The following RBFOX2 variants were observed in gnomAD, a reference collection of about 807,000 sequenced individuals.
The protein encoded by RBFOX2 is RNA binding fox-1 homolog 2, also known as RNA binding protein fox-1 homolog 2.
RBFOX2 carries 10 observed loss-of-function variants against 49.1 expected under a neutral mutation model. The ratio of observed to expected loss-of-function variants is 0.20; its 90% confidence interval spans 0.13 to 0.35. RBFOX2 has a LOEUF of 0.35. RBFOX2 is among the 10% of genes least tolerant of loss of function. The probability of loss-of-function intolerance (pLI) is 1.00; values close to 1 mark genes in which losing one functional copy is unlikely to be tolerated. For missense variants in RBFOX2, 323 were observed against 486.9 expected (o/e 0.66, Z 3.17); for synonymous variants, 183 against 187.4 (o/e 0.98, Z 0.19).
intron 2 of RBFOX2, among the ~76,000 whole-genome samples, chr22:35,790,841 C>G (rs919275042): frequency 6.6e-6 from 1 of 152,030 alleles, no homozygotes; most frequent in Non-Finnish European, 1.5e-5. Flanking sequence ...AACCCTATCT[C>G]TACAAAAAAT....
At chr22:35,750,516 A>C in intron 9 of RBFOX2, 1 of 1,325,172 alleles carries the variant, frequency 7.5e-7, no homozygotes, top group Non-Finnish European at 1.1e-6. Context: ...AGCACACCCT[A>C]ATGTAGGAGG....
At chr22:35,858,439 T>A (rs1335500937) in intron 1 of RBFOX2, among the ~76,000 whole-genome samples, 2 of 152,236 alleles carry the variant, frequency 1.3e-5, no homozygotes, top group Non-Finnish European at 2.9e-5. Context: ...TTATATGGCA[T>A]TCTCTATTTG....
chr22:35,840,016 T>G (rs1958445367), intron 1 of RBFOX2, among the ~76,000 whole-genome samples: 2 of 152,064 alleles, frequency 1.3e-5, no homozygotes, highest in African/African-American at 2.4e-5. Context: ...TACGGATACA[T>G]AACACACACA....
At chr22:35,891,594 A>G (rs1398271932) in intron 1 of RBFOX2, among the ~76,000 whole-genome samples, 3 of 152,232 alleles carry the variant, frequency 2.0e-5, no homozygotes, top group Non-Finnish European at 4.4e-5. Flanking sequence ...AAGTTCATCC[A>G]TATAGAGCAT....
At chr22:35,918,987 TA>T (rs150304016) in intron 1 of RBFOX2, among the ~76,000 whole-genome samples, 8,659 of 148,374 alleles carry the variant, frequency 0.058, 317 homozygotes, top group African/African-American at 0.098. Context: ...TTTCCCACCA[TA>T]AAAAAAAAAT....
intron 1 of RBFOX2, among the ~76,000 whole-genome samples, chr22:35,929,041 G>A (rs1476750779): frequency 6.6e-6 from 1 of 152,080 alleles, no homozygotes; most frequent in Non-Finnish European, 1.5e-5. Context: ...GATCACTTGA[G>A]GCAGGAGTTC....
intron 1 of RBFOX2, among the ~76,000 whole-genome samples, chr22:35,865,436 C>G (rs2043561675): frequency 6.6e-6 from 1 of 152,158 alleles, no homozygotes; most frequent in Admixed American, 6.5e-5. Context: ...GGCTTTTCCT[C>G]TGACTAGGCT....
intron 1 of RBFOX2, among the ~76,000 whole-genome samples, chr22:35,864,440 A>G (rs1043901731): frequency 1.4e-4 from 22 of 152,200 alleles, no homozygotes; most frequent in Non-Finnish European, 2.1e-4. Flanking sequence ...GACAACCACC[A>G]CCCAATAACT....
intron 2 of RBFOX2, among the ~76,000 whole-genome samples, chr22:35,803,564 C>A (rs1950153186): frequency 2.0e-5 from 3 of 152,124 alleles, no homozygotes. Context: ...GTAGTACCAG[C>A]TACTCAGGAG....
At chr22:35,965,082 A>G (rs980548782), upstream of RBFOX2, among the ~76,000 whole-genome samples, 5 of 152,234 alleles carry the variant, frequency 3.3e-5, no homozygotes, top group Admixed American at 2.6e-4. Context: ...CAATATAGCC[A>G]AGGTGTATAT....
At chr22:35,755,373 T>C (rs1936546751) in intron 9 of RBFOX2, among the ~76,000 whole-genome samples, 1 of 152,228 alleles carries the variant, frequency 6.6e-6, no homozygotes, top group Admixed American at 6.5e-5. Context: ...ACTTTAGTGA[T>C]AGCTAGACAG....
At chr22:35,753,656 TAACAGG>T (rs1935788054) in intron 9 of RBFOX2, among the ~76,000 whole-genome samples, 1 of 150,750 alleles carries the variant, frequency 6.6e-6, no homozygotes, top group African/African-American at 2.4e-5. Flanking sequence ...AGTATTTTAT[TAACAGG>T]AACAGAAAAA....
chr22:35,821,661 G>A (rs528395405), intron 1 of RBFOX2: 2 of 473,446 alleles, frequency 4.2e-6, no homozygotes, highest in African/African-American at 4.2e-5. Context: ...CACTCTGTCA[G>A]TCCTTTGAGG....
At chr22:35,879,755 T>A (rs1188847908) in intron 1 of RBFOX2, among the ~76,000 whole-genome samples, 1 of 152,212 alleles carries the variant, frequency 6.6e-6, no homozygotes, top group African/African-American at 2.4e-5. Flanking sequence ...GATGTTGTGA[T>A]TAGAATAAAT....
intron 9 of RBFOX2, among the ~76,000 whole-genome samples, chr22:35,753,238 A>G (rs772315560): frequency 1.6e-4 from 24 of 152,254 alleles, no homozygotes; most frequent in Non-Finnish European, 2.5e-4. Flanking sequence ...AGATTTCCAC[A>G]GATGGGAAAT....
At chr22:35,768,461 T>G in intron 4 of RBFOX2, 112 bp from the exon 6 acceptor site, 1 of 868,146 alleles carries the variant, frequency 1.2e-6, no homozygotes, top group Admixed American at 2.5e-5. Context: ...CAGCAACAAC[T>G]CAGCAATAAT....
chr22:35,954,437 A>C (rs1028601407), intron 1 of RBFOX2, among the ~76,000 whole-genome samples: 2 of 152,202 alleles, frequency 1.3e-5, no homozygotes, highest in African/African-American at 4.8e-5. Context: ...CTATGGCGAA[A>C]GCACTCATCT....
chr22:35,884,459 A>G (rs995602724), intron 1 of RBFOX2, among the ~76,000 whole-genome samples: 1 of 152,152 alleles, frequency 6.6e-6, no homozygotes, highest in African/African-American at 2.4e-5. Context: ...TGGGGCTGCA[A>G]TCATTAAAGC....
At chr22:35,856,857 A>T (rs111473524) in intron 1 of RBFOX2, among the ~76,000 whole-genome samples, 154 of 152,000 alleles carry the variant, frequency 1.0e-3, no homozygotes, top group Middle Eastern at 3.4e-3. Context: ...ACACGGTGAA[A>T]CCCATCTCTA....
Sources: gnomAD v4.1 joint callset for allele counts (sites outside exome capture counted in the v4.1 genomes callset) on GRCh38, gnomAD v4.1.1 for gene constraint, MANE v1.5 for transcripts, NCBI Gene and HGNC (gene_info 2026-07-23, HGNC 2026-07-21) for gene names.